The following FNIP1 variants were observed in gnomAD, a reference collection of about 807,000 sequenced individuals.
FNIP1 encodes the protein folliculin-interacting protein 1.
Under a neutral mutation model 124.5 loss-of-function variants are expected in FNIP1, and 40 were observed. That is an observed-to-expected ratio of 0.32 (90% confidence interval 0.25 to 0.42). FNIP1 has a LOEUF of 0.42. Ranked by LOEUF, FNIP1 falls within the 10% of genes least tolerant of loss-of-function variation. FNIP1 has a pLI of 1.00. For missense variants in FNIP1, 1,176 were observed against 1,403.7 expected (o/e 0.84, Z 2.59); for synonymous variants, 472 against 470.6 (o/e 1.00, Z -0.04).
At chr5:131,752,530 T>G (rs1404295251) in intron 1 of FNIP1, among the ~76,000 whole-genome samples, 1 of 110,894 alleles carries the variant, frequency 9.0e-6, no homozygotes, top group Non-Finnish European at 1.9e-5. Context: ...ATTTTAAACC[T>G]GAACATCTAA....
At chr5:131,686,042 T>C (rs1435255295) in intron 11 of FNIP1, among the ~76,000 whole-genome samples, 1 of 152,202 alleles carries the variant, frequency 6.6e-6, no homozygotes, top group African/African-American at 2.4e-5. Context: ...AGAGTAAAGC[T>C]GTCATAAACC....
chr5:131,644,965 C>T (rs1766824934), intron 17 of FNIP1, among the ~76,000 whole-genome samples: 1 of 152,160 alleles, frequency 6.6e-6, no homozygotes, highest in Non-Finnish European at 1.5e-5. Context: ...AGAAAAGTGT[C>T]TCAATGACAT....
At chr5:131,725,182 A>C (rs1016065988) in intron 3 of FNIP1, among the ~76,000 whole-genome samples, 2 of 152,076 alleles carry the variant, frequency 1.3e-5, no homozygotes, top group African/African-American at 2.4e-5. Flanking sequence ...TTGGCTATAC[A>C]GGCTCTTTTT....
At chr5:131,792,572 A>G (rs1772443072) in intron 1 of FNIP1, among the ~76,000 whole-genome samples, 1 of 152,234 alleles carries the variant, frequency 6.6e-6, no homozygotes, top group Non-Finnish European at 1.5e-5. Flanking sequence ...CCTGATATAA[A>G]GAATCAGAAT....
chr5:131,670,505 C>G lies in FNIP1; in HGVS notation c.3066G>C (p.Arg1022Ser). 1 of 1,612,972 alleles carries G rather than the reference C, an allele frequency of 6.2e-7. No homozygotes were observed. The highest frequency in any genetic ancestry group is 8.5e-7 in the Non-Finnish European group (1 of 1,179,636). The change falls in exon 15 of 18, where the codon AGG becomes AGC. Residue 1022 changes from arginine (R) to serine (S), a missense_variant. Transcript: ENST00000510461. ...FVLQGIGSDE[R>S]FRQCLMSDLS... ...AATCTGACATCAGACACTGACGGAA[C>G]CTCTCATCACTCCCAATTCCTTGAA...
intron 1 of FNIP1, among the ~76,000 whole-genome samples, chr5:131,782,281 G>C (rs1772019903): frequency 6.6e-6 from 1 of 152,162 alleles, no homozygotes; most frequent in African/African-American, 2.4e-5. Context: ...AGGCACTGTG[G>C]CTCACACCTG....
intron 16 of FNIP1, 72 bp from the exon 17 acceptor site, chr5:131,647,277 A>G (rs927521668): frequency 4.6e-6 from 5 of 1,081,276 alleles, no homozygotes; most frequent in Non-Finnish European, 7.1e-6. Context: ...AAACTCCAAA[A>G]CATAATGTTT....
At chr5:131,794,781 G>C (rs1348716562) in intron 1 of FNIP1, among the ~76,000 whole-genome samples, 1 of 152,122 alleles carries the variant, frequency 6.6e-6, no homozygotes, top group Non-Finnish European at 1.5e-5. Context: ...TGTTGACAGA[G>C]TGAGAAAAAA....
At chr5:131,722,463 A>T (rs752675667) in intron 3 of FNIP1, among the ~76,000 whole-genome samples, 9 of 152,248 alleles carry the variant, frequency 5.9e-5, no homozygotes, top group Non-Finnish European at 1.2e-4. Flanking sequence ...AATAACCATA[A>T]AGTGAAGAGA....
intron 1 of FNIP1, among the ~76,000 whole-genome samples, chr5:131,766,167 A>C (rs1055383646): frequency 4.6e-5 from 7 of 151,618 alleles, no homozygotes; most frequent in African/African-American, 1.7e-4. Context: ...GAATAGTGTA[A>C]CCTTGAACTC....
intron 15 of FNIP1, among the ~76,000 whole-genome samples, chr5:131,664,379 A>G (rs1235615367): frequency 6.6e-6 from 1 of 152,186 alleles, no homozygotes; most frequent in Non-Finnish European, 1.5e-5. Flanking sequence ...CTTTCTCTTT[A>G]GAACAAGATT....
intron 1 of FNIP1, among the ~76,000 whole-genome samples, chr5:131,790,245 C>A (rs1772360057): frequency 6.6e-6 from 1 of 152,064 alleles, no homozygotes; most frequent in Non-Finnish European, 1.5e-5. Flanking sequence ...GAGAAGGTGG[C>A]TATTTTTGAT....
chr5:131,749,955 GC>G (rs1168519171), intron 1 of FNIP1, among the ~76,000 whole-genome samples: 1 of 152,084 alleles, frequency 6.6e-6, no homozygotes, highest in East Asian at 1.9e-4. Flanking sequence ...TCAGAACAGA[GC>G]CCCATCATTC....
intron 1 of FNIP1, among the ~76,000 whole-genome samples, chr5:131,785,780 A>C (rs1345372775): frequency 6.6e-6 from 1 of 152,164 alleles, no homozygotes. Context: ...TGAAGCAGGA[A>C]GATAGCTTGA....
At chr5:131,685,662 C>T (rs2149521744) in intron 11 of FNIP1, among the ~76,000 whole-genome samples, 2 of 152,088 alleles carry the variant, frequency 1.3e-5, no homozygotes, top group East Asian at 1.9e-4. Context: ...CCATGCTGGC[C>T]AAGATGATCT....
chr5:131,785,079 C>T (rs867616947), intron 1 of FNIP1, among the ~76,000 whole-genome samples: 4 of 12,400 alleles, frequency 3.2e-4, no homozygotes, highest in African/African-American at 8.0e-4. Context: ...ATATATATGA[C>T]ATATATATAT....
At chr5:131,746,745 G>A (rs1237043840) in intron 1 of FNIP1, among the ~76,000 whole-genome samples, 1 of 152,124 alleles carries the variant, frequency 6.6e-6, no homozygotes, top group Non-Finnish European at 1.5e-5. Flanking sequence ...GAACATACAA[G>A]TGCATGTGTC....
intron 1 of FNIP1, among the ~76,000 whole-genome samples, chr5:131,775,202 T>C (rs1458347720): frequency 6.6e-6 from 1 of 152,170 alleles, no homozygotes; most frequent in Non-Finnish European, 1.5e-5. Flanking sequence ...AAATAAGATA[T>C]GAGACAGCAA....
chr5:131,749,946 C>T (rs965958316), intron 1 of FNIP1, among the ~76,000 whole-genome samples: 38 of 152,114 alleles, frequency 2.5e-4, no homozygotes, highest in African/African-American at 8.7e-4. Context: ...ATGCATTCCT[C>T]AGAACAGAGC....
Sources: allele counts gnomAD v4.1 joint callset (sites outside exome capture counted in the v4.1 genomes callset), GRCh38; gene constraint gnomAD v4.1.1; transcripts MANE v1.5; gene names NCBI Gene and HGNC (gene_info 2026-07-23, HGNC 2026-07-21).